The following CTNND2 variants were observed in gnomAD, a reference collection of about 807,000 sequenced individuals.
CTNND2 encodes catenin delta 2, also known as catenin delta-2.
CTNND2 carries 22 observed loss-of-function variants against 144.4 expected under a neutral mutation model. The ratio of observed to expected loss-of-function variants is 0.15; its 90% CI spans 0.11 to 0.22. The LOEUF is 0.22. CTNND2 is among the 10% of genes least tolerant of loss of function. CTNND2 has a pLI of 1.00. For missense variants in CTNND2, 1,353 were observed against 1,618.8 expected (o/e 0.84, Z 2.82); for synonymous variants, 751 against 695.6 (o/e 1.08, Z -1.25).
At chr5:11,715,433 T>G (rs376712455) in intron 2 of CTNND2, among the ~76,000 whole-genome samples, 17 of 152,310 alleles carry the variant, frequency 1.1e-4, no homozygotes, top group African/African-American at 4.1e-4. Flanking sequence ...TTCTGATGAA[T>G]TTTTCAATGT....
chr5:11,177,463 C>T (rs781699528), intron 11 of CTNND2, among the ~76,000 whole-genome samples: 17 of 151,902 alleles, frequency 1.1e-4, no homozygotes, highest in Non-Finnish European at 1.9e-4. Context: ...AAATTATTGG[C>T]CTATACAAGA....
At chr5:11,443,900 G>A (rs1168511141) in intron 3 of CTNND2, among the ~76,000 whole-genome samples, 2 of 152,134 alleles carry the variant, frequency 1.3e-5, no homozygotes, top group African/African-American at 2.4e-5. Flanking sequence ...GATAATAGTA[G>A]TTTCCTTCCA....
chr5:11,778,989 A>G (rs1227320537), intron 1 of CTNND2, among the ~76,000 whole-genome samples: 1 of 152,200 alleles, frequency 6.6e-6, no homozygotes, highest in Admixed American at 6.5e-5. Flanking sequence ...GCAAATATTG[A>G]CACATCCTTT....
In CTNND2 at chr5:11,087,125, T is replaced by G. The variant is rs116435590; in HGVS notation, c.2638-4279A>C. ...TATCAAATTAGCCATATCCTCAGTT[T>G]TTCTTTTAACAAGGTAAAGTCAAAT... is the stretch of plus-strand genomic sequence containing the variant. On this transcript the variant is annotated intron_variant, in intron 15 of 21. Transcript: ENST00000304623. 3.1e-3 allele frequency among the ~76,000 whole-genome samples: 465 copies of G among 152,328 alleles called. 2 individuals are homozygous for G. Among genetic ancestry groups the G allele is most frequent in the African/African-American group, 0.011 (444 of 41,572 alleles).
At chr5:11,263,896 G>A (rs1268711659) in intron 9 of CTNND2, among the ~76,000 whole-genome samples, 3 of 152,216 alleles carry the variant, frequency 2.0e-5, no homozygotes, top group Non-Finnish European at 1.5e-5. Context: ...GGTGTGAATA[G>A]CTCAGATGCA....
At chr5:11,457,452 T>A (rs1721413141) in intron 3 of CTNND2, among the ~76,000 whole-genome samples, 1 of 152,196 alleles carries the variant, frequency 6.6e-6, no homozygotes, top group Non-Finnish European at 1.5e-5. Context: ...CATTAACCAA[T>A]GACATCCTCT....
At chr5:11,210,080 T>C (rs975996831) in intron 10 of CTNND2, among the ~76,000 whole-genome samples, 1 of 152,176 alleles carries the variant, frequency 6.6e-6, no homozygotes, top group African/African-American at 2.4e-5. Context: ...GGATAGAGTG[T>C]GACACTGGGT....
At chr5:11,290,015 T>G (rs1030538218) in intron 9 of CTNND2, among the ~76,000 whole-genome samples, 1 of 152,156 alleles carries the variant, frequency 6.6e-6, no homozygotes, top group African/African-American at 2.4e-5. Flanking sequence ...ATGGTTCCCT[T>G]TGCAACTACA....
intron 5 of CTNND2, among the ~76,000 whole-genome samples, chr5:11,403,940 A>C (rs948833462): frequency 6.6e-6 from 1 of 152,152 alleles, no homozygotes; most frequent in African/African-American, 2.4e-5. Flanking sequence ...TTCTCACAAT[A>C]GAGGATTTCC....
At chr5:11,833,955 C>G (rs1156523435) in intron 1 of CTNND2, among the ~76,000 whole-genome samples, 2 of 152,142 alleles carry the variant, frequency 1.3e-5, no homozygotes, top group Non-Finnish European at 2.9e-5. Context: ...TGAATATATC[C>G]TGAAACAAAA....
chr5:11,294,922 A>G (rs1748746268), intron 9 of CTNND2, among the ~76,000 whole-genome samples: 2 of 152,204 alleles, frequency 1.3e-5, no homozygotes, highest in Admixed American at 1.3e-4. Flanking sequence ...AAACTGGCAC[A>G]AGACAAGGAT....
At chr5:11,794,595 C>T (rs1411813839) in intron 1 of CTNND2, among the ~76,000 whole-genome samples, 1 of 152,202 alleles carries the variant, frequency 6.6e-6, no homozygotes, top group Non-Finnish European at 1.5e-5. Context: ...AATATGAAAG[C>T]ATAACTTATA....
intron 3 of CTNND2, among the ~76,000 whole-genome samples, chr5:11,534,144 T>A (rs951105375): frequency 6.6e-6 from 1 of 152,202 alleles, no homozygotes; most frequent in Non-Finnish European, 1.5e-5. Flanking sequence ...TGTAAGCCAT[T>A]TTCACTTTTC....
At chr5:11,001,022 T>C (rs971153539) in intron 18 of CTNND2, among the ~76,000 whole-genome samples, 1 of 152,156 alleles carries the variant, frequency 6.6e-6, no homozygotes, top group Non-Finnish European at 1.5e-5. Flanking sequence ...CCCTTCAGTC[T>C]CCATTCCCAA....
At chr5:11,590,160 C>A (rs918891262) in intron 2 of CTNND2, among the ~76,000 whole-genome samples, 2 of 151,940 alleles carry the variant, frequency 1.3e-5, no homozygotes, top group African/African-American at 4.8e-5. Context: ...ATTCTCCTGC[C>A]TCGGCCTCCC....
At chr5:11,471,748 T>C (rs1372739419) in intron 3 of CTNND2, among the ~76,000 whole-genome samples, 1 of 152,194 alleles carries the variant, frequency 6.6e-6, no homozygotes. Context: ...CTTGCTGTCC[T>C]TGTCAAGGCT....
At chr5:11,335,109 C>A (rs2149721880) in intron 9 of CTNND2, among the ~76,000 whole-genome samples, 1 of 152,264 alleles carries the variant, frequency 6.6e-6, no homozygotes, top group East Asian at 1.9e-4. Flanking sequence ...CTTGGTTCAG[C>A]AACCCAGTTA....
At position 11,688,151 on chromosome 5, in the gene CTNND2, G is replaced by A. The variant is rs190433801; in HGVS notation, c.174+43985C>T. ...AGTGGAAAAGTATATGACTGCCACTGGCTATTACTACTTATTAACGTTTCT... is the reference window on the plus strand; with the variant it reads ...AGTGGAAAAGTATATGACTGCCACTAGCTATTACTACTTATTAACGTTTCT... On this transcript the variant is annotated intron_variant, in intron 2 of 21. Coordinates refer to ENST00000304623, the MANE Select transcript of CTNND2 (RefSeq NM_001332.4). Among the ~76,000 whole-genome samples, 556 of 152,248 alleles carry A rather than the reference G, an allele frequency of 3.7e-3. 4 individuals are homozygous for A. Among genetic ancestry groups the A allele is most frequent in the Non-Finnish European group, 3.7e-3 (249 of 68,026 alleles).
chr5:11,728,950 T>C (rs1165146051), intron 2 of CTNND2, among the ~76,000 whole-genome samples: 1 of 152,022 alleles, frequency 6.6e-6, no homozygotes, highest in African/African-American at 2.4e-5. Flanking sequence ...AGGAAAAAAA[T>C]AAGGAACCTT....
Sources: allele counts gnomAD v4.1 joint callset (sites outside exome capture counted in the v4.1 genomes callset), GRCh38; gene constraint gnomAD v4.1.1; transcripts MANE v1.5; gene names NCBI Gene and HGNC (gene_info 2026-07-23, HGNC 2026-07-21).